Variants in EFNA5 observed in about 807,000 individuals in gnomAD.
The protein encoded by EFNA5 is ephrin A5.
In EFNA5, 5 loss-of-function variants were observed where a neutral mutation model predicts 22.9. That is an observed-to-expected ratio of 0.22 (90% CI 0.11 to 0.46). The LOEUF (loss-of-function observed/expected upper bound fraction) is 0.46. Among genes scored for constraint, EFNA5 ranks in the 20% least tolerant of loss-of-function variants. The pLI, the probability that EFNA5 is intolerant of heterozygous loss-of-function variation, is 0.99. For missense variants in EFNA5, 237 were observed against 293.3 expected (o/e 0.81, Z 1.40); for synonymous variants, 113 against 112.2 (o/e 1.01, Z -0.04).
chr5:107,462,198 T>C (rs1749851980), intron 1 of EFNA5, among the ~76,000 whole-genome samples: 1 of 151,874 alleles, frequency 6.6e-6, no homozygotes, highest in African/African-American at 2.4e-5. Flanking sequence ...AGTGAAGAAC[T>C]GAGAAAGATC....
chr5:107,570,316 C>T (rs549302837), intron 1 of EFNA5, among the ~76,000 whole-genome samples: 132 of 152,288 alleles, frequency 8.7e-4, no homozygotes, highest in African/African-American at 2.6e-3. Context: ...CACAGTGAAT[C>T]CAAATGATTC....
intron 1 of EFNA5, among the ~76,000 whole-genome samples, chr5:107,482,808 C>G (rs1414788912): frequency 1.8e-4 from 16 of 89,272 alleles, no homozygotes; most frequent in Non-Finnish European, 3.6e-4. Flanking sequence ...CTCTCTCTCT[C>G]TCTCTGTCTC....
chr5:107,608,488 G>A (rs937282747), intron 1 of EFNA5, among the ~76,000 whole-genome samples: 1 of 152,222 alleles, frequency 6.6e-6, no homozygotes. Context: ...TATGTCCCAT[G>A]TAGACAGATC....
chr5:107,401,976 C>T (rs146558511), intron 2 of EFNA5, among the ~76,000 whole-genome samples: 12 of 152,290 alleles, frequency 7.9e-5, no homozygotes, highest in East Asian at 5.8e-4. Context: ...TTTATACCAT[C>T]GGCTTTCTGT....
chr5:107,653,158 T>C (rs1438428520), intron 1 of EFNA5, among the ~76,000 whole-genome samples: 1 of 152,120 alleles, frequency 6.6e-6, no homozygotes, highest in Non-Finnish European at 1.5e-5. Context: ...TTCACCAAAA[T>C]GCTGCAATTT....
chr5:107,633,305 T>C (rs73781146), intron 1 of EFNA5, among the ~76,000 whole-genome samples: 1,619 of 152,324 alleles, frequency 0.011, 35 homozygotes, highest in African/African-American at 0.035. Context: ...GGATGAGACA[T>C]GCAATTAGGC....
chr5:107,576,814 A>G (rs1297960087), intron 1 of EFNA5, among the ~76,000 whole-genome samples: 1 of 152,140 alleles, frequency 6.6e-6, no homozygotes, highest in African/African-American at 2.4e-5. Flanking sequence ...TCCCTTTAGA[A>G]TCTCAGAACA....
At chr5:107,654,457 A>G (rs1186476568) in intron 1 of EFNA5, among the ~76,000 whole-genome samples, 1 of 152,150 alleles carries the variant, frequency 6.6e-6, no homozygotes, top group African/African-American at 2.4e-5. Flanking sequence ...TTAGATACCT[A>G]AGGAAGAAAT....
chr5:107,491,000 C>T (rs1746790462), intron 1 of EFNA5, among the ~76,000 whole-genome samples: 1 of 152,198 alleles, frequency 6.6e-6, no homozygotes, highest in African/African-American at 2.4e-5. Context: ...GGGTTCCATA[C>T]TTGCTTAAGG....
chr5:107,488,804 G>A (rs25968), intron 1 of EFNA5, among the ~76,000 whole-genome samples: 12,075 of 152,124 alleles, frequency 0.079, 1,087 homozygotes, highest in African/African-American at 0.2. Context: ...CGAGTCTCCC[G>A]CCTCAGCCTC....
At chr5:107,396,371 A>C (rs1747924901) in intron 2 of EFNA5, among the ~76,000 whole-genome samples, 1 of 152,172 alleles carries the variant, frequency 6.6e-6, no homozygotes, top group South Asian at 2.1e-4. Context: ...CCTGTTTTAG[A>C]GGGGCAGTAC....
chr5:107,489,709 A>G (rs1044973836), intron 1 of EFNA5, among the ~76,000 whole-genome samples: 6 of 151,334 alleles, frequency 4.0e-5, no homozygotes, highest in Non-Finnish European at 1.5e-5. Flanking sequence ...GCAACTGAAC[A>G]TTATCAGTTT....
chr5:107,463,230 A>C (rs1292669701), intron 1 of EFNA5, among the ~76,000 whole-genome samples: 1 of 152,192 alleles, frequency 6.6e-6, no homozygotes, highest in East Asian at 1.9e-4. Flanking sequence ...TCATATCACT[A>C]AATAAAAAAG....
At chr5:107,510,582 T>C (rs1747348987) in intron 1 of EFNA5, among the ~76,000 whole-genome samples, 1 of 152,184 alleles carries the variant, frequency 6.6e-6, no homozygotes, top group South Asian at 2.1e-4. Context: ...ACAATATGAA[T>C]ACTTTAAATG....
chr5:107,475,335 A>G (rs1056933646), intron 1 of EFNA5, among the ~76,000 whole-genome samples: 6 of 152,228 alleles, frequency 3.9e-5, no homozygotes, highest in Non-Finnish European at 8.8e-5. Flanking sequence ...AGCTATCAGT[A>G]TCACTGACCT....
intron 1 of EFNA5, among the ~76,000 whole-genome samples, chr5:107,605,793 C>A (rs1253117747): frequency 6.6e-6 from 1 of 152,210 alleles, no homozygotes; most frequent in African/African-American, 2.4e-5. Flanking sequence ...AACCTCTCTT[C>A]CCTTCAATAT....
At chr5:107,670,397 C>T in intron 1 of EFNA5, 92 bp downstream of exon 1, 1 of 1,419,592 alleles carries the variant, frequency 7.0e-7, no homozygotes, top group Non-Finnish European at 9.2e-7. Flanking sequence ...TGCGCGCCGC[C>T]AGCGGTTGGT....
At chr5:107,531,361 C>A (rs564360210) in intron 1 of EFNA5, among the ~76,000 whole-genome samples, 1 of 152,298 alleles carries the variant, frequency 6.6e-6, no homozygotes, top group Admixed American at 6.5e-5. Flanking sequence ...AGGGTGCCAC[C>A]TTCTAAACCT....
intron 1 of EFNA5, among the ~76,000 whole-genome samples, chr5:107,553,764 C>T (rs1257622983): frequency 6.6e-6 from 1 of 152,092 alleles, no homozygotes; most frequent in East Asian, 1.9e-4. Flanking sequence ...TATGATTTTC[C>T]TTCTACCAAA....
Sources: gnomAD v4.1 joint callset for allele counts (sites outside exome capture counted in the v4.1 genomes callset) on GRCh38, gnomAD v4.1.1 for gene constraint, MANE v1.5 for transcripts, NCBI Gene and HGNC (gene_info 2026-07-23, HGNC 2026-07-21) for gene names.